The following SPANXN3 variants were observed in gnomAD, a reference collection of about 807,000 sequenced individuals.
SPANXN3 encodes sperm protein associated with the nucleus on the X chromosome N3.
Under a neutral mutation model 1.9 loss-of-function variants are expected in SPANXN3, and 1 was observed. The ratio of observed to expected loss-of-function variants is 0.54; its 90% CI spans 0.19 to 2.54. SPANXN3 has a LOEUF of 2.54. SPANXN3 is among the 30% of genes most tolerant of loss of function. SPANXN3 has a pLI of 0.24. For synonymous variants in SPANXN3, 47 were observed against 40.0 expected (o/e 1.17, Z -0.66); for missense variants, 113 against 96.2 (o/e 1.17, Z -0.73).
At chrX:143,517,262 C>T in intron 1 of SPANXN3, 52 bp downstream of exon 1, 2 of 1,179,667 alleles carry the variant, frequency 1.7e-6, no homozygotes, top group Non-Finnish European at 2.3e-6. Flanking sequence ...CACCCCCTCT[C>T]TGTGTGTCTT....
intron 1 of SPANXN3, chrX:143,510,098 T>C (rs782782540): frequency 1.8e-5 from 2 of 111,270 alleles, no homozygotes; most frequent in Admixed American, 9.6e-5. Context: ...AAACTCTCCA[T>C]CTTATTTTTC....
At chrX:143,512,374 A>T in intron 1 of SPANXN3, among the ~76,000 whole-genome samples, 1 of 111,624 alleles carries the variant, frequency 9.0e-6, no homozygotes, top group Non-Finnish European at 1.9e-5. Context: ...TTCAGTCTCA[A>T]TATCCCCTTA....
At chrX:143,516,481 G>T (rs1929217712) in intron 1 of SPANXN3, among the ~76,000 whole-genome samples, 1 of 112,216 alleles carries the variant, frequency 8.9e-6, no homozygotes, top group Admixed American at 9.4e-5. Flanking sequence ...CACTAAGCAG[G>T]CTCTACATCT....
At chrX:143,515,037 A>C (rs1254582061) in intron 1 of SPANXN3, among the ~76,000 whole-genome samples, 1 of 109,916 alleles carries the variant, frequency 9.1e-6, no homozygotes, top group Non-Finnish European at 1.9e-5. Context: ...CCGGCGTTAC[A>C]CCTCACCCAA....
intron 1 of SPANXN3, among the ~76,000 whole-genome samples, chrX:143,513,365 A>T (rs1208432836): frequency 8.9e-6 from 1 of 112,361 alleles, no homozygotes; most frequent in South Asian, 3.7e-4. Context: ...CGGCAACGCC[A>T]CACAAGCCAC....
intron 1 of SPANXN3, among the ~76,000 whole-genome samples, chrX:143,515,392 T>C (rs1412065447): frequency 3.6e-5 from 4 of 111,173 alleles, no homozygotes; most frequent in African/African-American, 9.8e-5. Context: ...AACACCTTAG[T>C]CCATAACACT....
intron 1 of SPANXN3, among the ~76,000 whole-genome samples, chrX:143,511,645 G>A (rs1377242072): frequency 9.0e-6 from 1 of 111,546 alleles, no homozygotes; most frequent in Non-Finnish European, 1.9e-5. Context: ...GGTTCCCAAG[G>A]CATACAGAAT....
chrX:143,511,417 T>A (rs1245194399), intron 1 of SPANXN3, among the ~76,000 whole-genome samples: 1 of 111,055 alleles, frequency 9.0e-6, no homozygotes, highest in Non-Finnish European at 1.9e-5. Flanking sequence ...CCTAATACCA[T>A]TAAGGGCAAA....
intron 1 of SPANXN3, among the ~76,000 whole-genome samples, chrX:143,512,462 C>T (rs1341745089): frequency 1.8e-5 from 2 of 111,507 alleles, no homozygotes; most frequent in Non-Finnish European, 3.8e-5. Flanking sequence ...TGTTAACTCT[C>T]CCCAGAACAC....
intron 1 of SPANXN3, 48 bp downstream of exon 1, chrX:143,517,266 G>T (rs1556412810): frequency 8.5e-7 from 1 of 1,182,606 alleles, no homozygotes; most frequent in Admixed American, 2.2e-5. Flanking sequence ...CCCTCTCTGT[G>T]TGTCTTTCTT....
chrX:143,514,280 A>T (rs1929165482), intron 1 of SPANXN3, among the ~76,000 whole-genome samples: 1 of 111,006 alleles, frequency 9.0e-6, no homozygotes, highest in South Asian at 3.9e-4. Context: ...TTCAGGAAAA[A>T]ATTGTTTGAT....
Sources: allele counts gnomAD v4.1 joint callset (sites outside exome capture counted in the v4.1 genomes callset), GRCh38; gene constraint gnomAD v4.1.1; transcripts MANE v1.5; gene names NCBI Gene and HGNC (gene_info 2026-07-23, HGNC 2026-07-21).